Variants in NCMAP observed in about 807,000 individuals in gnomAD.
The protein encoded by NCMAP is non-compact myelin associated protein.
NCMAP carries 8 observed loss-of-function variants against 7.8 expected under a neutral mutation model. The ratio of observed to expected loss-of-function variants is 1.02; its 90% confidence interval spans 0.60 to 1.84. The LOEUF (loss-of-function observed/expected upper bound fraction) is 1.84. NCMAP is among the 40% of genes most tolerant of loss of function. The pLI is 0.00. For synonymous variants in NCMAP, 41 were observed against 52.9 expected, an observed-to-expected ratio of 0.78 and a Z score of 0.98; for missense variants, 112 against 131.4, an observed-to-expected ratio of 0.85 and a Z score of 0.72.
At chr1:24,560,772 CTT>C (rs143001660) in intron 1 of NCMAP, among the ~76,000 whole-genome samples, 2,479 of 151,520 alleles carry the variant, frequency 0.016, 77 homozygotes, top group African/African-American at 0.057. Context: ...AGTTGTGCAA[CTT>C]TTCCCCTCGC....
Position 24,605,688 on chromosome 1 carries a change from A to C in NCMAP, c.250A>C (p.Ser84Arg), listed in dbSNP as rs1320356023. The change falls in exon 4 of 4, where the codon AGC becomes CGC. Residue 84 changes from serine to arginine, a missense_variant. Physicochemically the swap from Ser to Arg is moderately radical, Grantham distance 110. Transcript: ENST00000374392. ...PSAVGPNSNG[S>R]QHPATVTFSP... ...TGCCGTGGGCCCAAACAGCAACGGCAGCCAACACCCAGCAACTGTGACCTT... is the reference window on the plus strand; with the variant it reads ...TGCCGTGGGCCCAAACAGCAACGGCCGCCAACACCCAGCAACTGTGACCTT... 6.2e-7 allele frequency: 1 copy of C among 1,614,068 alleles called. No individual in the cohort carries two copies. The highest frequency in any genetic ancestry group is 1.3e-5 in the African/African-American group (1 of 74,934).
chr1:24,600,873 G>A, intron 2 of NCMAP, 67 bp from the exon 3 acceptor site: 1 of 1,405,434 alleles, frequency 7.1e-7, no homozygotes, highest in Non-Finnish European at 1.0e-6. Context: ...AGGTGCCACA[G>A]CAGGGCGCCC....
intron 1 of NCMAP, among the ~76,000 whole-genome samples, chr1:24,568,711 G>C (rs1166336564): frequency 6.6e-6 from 1 of 152,162 alleles, no homozygotes. Context: ...AGGTCAGTCT[G>C]GCTCTGACCA....
In NCMAP at chr1:24,607,778, C is replaced by T. The variant is rs1652812640; in HGVS notation, c.*2031C>T. On this transcript the variant is annotated 3_prime_UTR_variant, in exon 4 of 4. Coordinates refer to ENST00000374392, the MANE Select transcript of NCMAP (RefSeq NM_001010980.5). ...ACTAGGGAGGCTGTGGCATGAGAATCACTTGAACCTGGAAGGCAGAGGTTG... is the reference window on the plus strand; with the variant it reads ...ACTAGGGAGGCTGTGGCATGAGAATTACTTGAACCTGGAAGGCAGAGGTTG... The T allele has an allele frequency of 6.6e-6, 1 of 152,366 alleles. No homozygotes were observed. 9.4% of individuals were successfully genotyped at this position (152,366 alleles called of 1,614,324 possible).
At chr1:24,593,042 G>A (rs1177578282) in intron 1 of NCMAP, among the ~76,000 whole-genome samples, 1 of 152,054 alleles carries the variant, frequency 6.6e-6, no homozygotes, top group Non-Finnish European at 1.5e-5. Flanking sequence ...TCTGGATGTG[G>A]TCGTGGGCCC....
At chr1:24,565,518 G>A (rs1052477986) in intron 1 of NCMAP, among the ~76,000 whole-genome samples, 13 of 151,404 alleles carry the variant, frequency 8.6e-5, no homozygotes, top group African/African-American at 2.2e-4. Flanking sequence ...TTATTTCATT[G>A]TTACCTTCTA....
chr1:24,588,523 G>A (rs1030691199), intron 1 of NCMAP, among the ~76,000 whole-genome samples: 11 of 152,194 alleles, frequency 7.2e-5, no homozygotes, highest in African/African-American at 2.7e-4. Context: ...CAGAGGGAGA[G>A]GGGGTACCCC....
chr1:24,595,651 C>T (rs1043537254), intron 2 of NCMAP, 139 bp downstream of exon 2: 11 of 613,176 alleles, frequency 1.8e-5, no homozygotes, highest in African/African-American at 1.5e-4. Context: ...CCAACTGCAG[C>T]ATTAATGACA....
At chr1:24,597,671 GA>G (rs367826750) in intron 2 of NCMAP, among the ~76,000 whole-genome samples, 1,244 of 111,126 alleles carry the variant, frequency 0.011, 36 homozygotes, top group African/African-American at 0.024. Flanking sequence ...AAGAAAGAAA[GA>G]AAAGAAAAAG....
intron 1 of NCMAP, among the ~76,000 whole-genome samples, chr1:24,590,063 G>T (rs866847457): frequency 4.6e-5 from 7 of 152,158 alleles, no homozygotes; most frequent in Non-Finnish European, 8.8e-5. Flanking sequence ...GCCTCCCAAA[G>T]TGCTGGGATT....
chr1:24,594,164 T>G (rs1253517564), intron 1 of NCMAP, among the ~76,000 whole-genome samples: 1 of 152,098 alleles, frequency 6.6e-6, no homozygotes, highest in Non-Finnish European at 1.5e-5. Context: ...AGTGCTGAGA[T>G]TACCGGCATA....
chr1:24,568,792 T>C (rs931914058), intron 1 of NCMAP, among the ~76,000 whole-genome samples: 1 of 152,074 alleles, frequency 6.6e-6, no homozygotes, highest in African/African-American at 2.4e-5. Context: ...GGATCCTTTT[T>C]GTTGTTGTTA....
chr1:24,606,611 CTCTA>C lies in NCMAP; in HGVS notation c.*870_*873del, dbSNP rs1385817631. ...TATTTGGAGATTAATTAGATTACAACTCTATCTATGTTACCTTTGTCCTTCCTGG... is the reference window on the plus strand; with the variant it reads ...TATTTGGAGATTAATTAGATTACAACTCTATGTTACCTTTGTCCTTCCTGG... On this transcript the variant is annotated 3_prime_UTR_variant, in exon 4 of 4. Transcript: ENST00000374392. 26 of 152,630 alleles carry C rather than the reference CTCTA, an allele frequency of 1.7e-4. No homozygotes were observed. Among genetic ancestry groups the C allele is most frequent in the African/African-American group, 5.8e-4 (24 of 41,564 alleles). The allele number at this position is 152,630 out of a possible 1,614,324, so 9.5% of individuals were successfully genotyped here. A position where few individuals can be genotyped will look rare whatever the true frequency, so the allele number is the denominator to read the frequency against.
intron 1 of NCMAP, among the ~76,000 whole-genome samples, chr1:24,558,966 A>T (rs952397634): frequency 7.4e-6 from 1 of 135,460 alleles, no homozygotes. Context: ...TTAATTTCTT[A>T]AAAAAAAAAC....
intron 1 of NCMAP, among the ~76,000 whole-genome samples, chr1:24,566,577 A>ACAGATCATTAGAACTTT (rs1377548178): frequency 6.6e-6 from 1 of 152,230 alleles, no homozygotes; most frequent in East Asian, 1.9e-4. Flanking sequence ...GATTCCCACA[A>ACAGATCATTAGAACTTT]CAGATCATTA....
chr1:24,582,265 C>T (rs1296461467), intron 1 of NCMAP, among the ~76,000 whole-genome samples: 1 of 151,954 alleles, frequency 6.6e-6, no homozygotes, highest in Non-Finnish European at 1.5e-5. Context: ...ATTCAGAGTG[C>T]ACACCTTGGG....
intron 1 of NCMAP, among the ~76,000 whole-genome samples, chr1:24,573,648 T>C (rs548241408): frequency 6.7e-6 from 1 of 150,254 alleles, no homozygotes; most frequent in South Asian, 2.1e-4. Context: ...CTGAGAAACC[T>C]AGAAACCGGC....
intron 1 of NCMAP, among the ~76,000 whole-genome samples, chr1:24,577,425 T>TGTTTTG (rs1294515628): frequency 5.5e-5 from 8 of 145,366 alleles, no homozygotes; most frequent in Admixed American, 3.4e-4. Context: ...TTTTTTTTTT[T>TGTTTTG]TTTTTTGGTT....
intron 1 of NCMAP, among the ~76,000 whole-genome samples, chr1:24,590,186 T>C (rs1030339436): frequency 1.3e-5 from 2 of 152,212 alleles, no homozygotes; most frequent in African/African-American, 4.8e-5. Context: ...ATTTTGCTAG[T>C]TGAATCAGGG....
Sources: gnomAD v4.1 joint callset for allele counts (sites outside exome capture counted in the v4.1 genomes callset) on GRCh38, gnomAD v4.1.1 for gene constraint, MANE v1.5 for transcripts, NCBI Gene and HGNC (gene_info 2026-07-23, HGNC 2026-07-21) for gene names.